KSR2: variants seen among roughly 807,000 people sequenced by gnomAD.
KSR2 encodes kinase suppressor of ras 2.
KSR2 carries 25 observed loss-of-function variants against 107.8 expected under a neutral mutation model. The observed-to-expected ratio is 0.23, with a 90% CI of 0.17 to 0.32. KSR2 has a LOEUF of 0.32. KSR2 is among the 10% of genes least tolerant of loss of function. The pLI, the probability that KSR2 is intolerant of heterozygous loss-of-function variation, is 1.00. For missense variants in KSR2, 887 were observed against 1,268.9 expected (o/e 0.70, Z 4.57); for synonymous variants, 480 against 507.0 (o/e 0.95, Z 0.71).
intron 4 of KSR2, among the ~76,000 whole-genome samples, chr12:117,745,335 G>C (rs930128577): frequency 1.3e-5 from 2 of 152,112 alleles, no homozygotes; most frequent in African/African-American, 4.8e-5. Context: ...AGCAAAAATA[G>C]ACAAATGGGA....
chr12:117,737,081 T>C (rs561217141), intron 4 of KSR2, among the ~76,000 whole-genome samples: 1 of 152,310 alleles, frequency 6.6e-6, no homozygotes, highest in African/African-American at 2.4e-5. Flanking sequence ...CTGTGTGGCC[T>C]CATGAGTGTT....
intron 3 of KSR2, among the ~76,000 whole-genome samples, chr12:117,804,204 C>T (rs111462621): frequency 0.084 from 12,846 of 152,116 alleles, 1,779 homozygotes; most frequent in African/African-American, 0.29. Flanking sequence ...CCACCACGCC[C>T]GGCTAATTTT....
At chr12:117,698,621 C>T (rs757105352) in intron 4 of KSR2, among the ~76,000 whole-genome samples, 5 of 152,122 alleles carry the variant, frequency 3.3e-5, no homozygotes, top group Non-Finnish European at 5.9e-5. Flanking sequence ...CCACTGTACC[C>T]GGCCAGACTT....
intron 1 of KSR2, among the ~76,000 whole-genome samples, chr12:117,964,049 G>A (rs546453405): frequency 7.2e-5 from 11 of 152,292 alleles, no homozygotes; most frequent in South Asian, 2.1e-4. Context: ...AGGCCGAGGC[G>A]GGCAGATCAT....
At chr12:117,478,810 C>A (rs141790271) in intron 16 of KSR2, among the ~76,000 whole-genome samples, 17 of 152,222 alleles carry the variant, frequency 1.1e-4, no homozygotes, top group African/African-American at 3.1e-4. Flanking sequence ...TGGCTAGTGG[C>A]CACCAAATTG....
At chr12:117,647,033 G>A (rs561335867) in intron 5 of KSR2, among the ~76,000 whole-genome samples, 12 of 152,254 alleles carry the variant, frequency 7.9e-5, no homozygotes, top group African/African-American at 2.2e-4. Flanking sequence ...AAAGAAAGAC[G>A]GAGAGGGTGA....
At chr12:117,953,489 T>A (rs757889909) in intron 1 of KSR2, among the ~76,000 whole-genome samples, 1 of 152,220 alleles carries the variant, frequency 6.6e-6, no homozygotes, top group Non-Finnish European at 1.5e-5. Flanking sequence ...GGACTATTAT[T>A]TAGCCATAAA....
intron 10 of KSR2, 187 bp downstream of exon 10, chr12:117,539,532 T>TA: frequency 1.9e-6 from 1 of 533,084 alleles, no homozygotes; most frequent in Non-Finnish European, 3.2e-6. Flanking sequence ...AAATAAGTGA[T>TA]ATAAGGGTAA....
At chr12:117,878,653 C>T (rs889192359) in intron 1 of KSR2, among the ~76,000 whole-genome samples, 6 of 152,076 alleles carry the variant, frequency 3.9e-5, no homozygotes, top group Non-Finnish European at 7.3e-5. Flanking sequence ...GTAAGCAATG[C>T]GTTGCCTTAT....
intron 5 of KSR2, among the ~76,000 whole-genome samples, chr12:117,657,030 C>A (rs912142858): frequency 4.5e-4 from 58 of 128,284 alleles, no homozygotes; most frequent in African/African-American, 1.7e-3. Context: ...TTAGTTCTAT[C>A]CCTCTAAGAG....
chr12:117,781,999 C>T (rs1593230523), intron 3 of KSR2, among the ~76,000 whole-genome samples: 1 of 152,346 alleles, frequency 6.6e-6, no homozygotes, highest in East Asian at 1.9e-4. Flanking sequence ...GATGTTCATG[C>T]TTAACATCGT....
chr12:117,594,778 T>C (rs1460417540), intron 5 of KSR2, among the ~76,000 whole-genome samples: 1 of 152,178 alleles, frequency 6.6e-6, no homozygotes, highest in Non-Finnish European at 1.5e-5. Context: ...CAGTTCTCAA[T>C]CGTGAGCCCT....
In KSR2 at chr12:117,752,749, C is replaced by A. The variant is rs559444390; in HGVS notation, c.986+8262G>T. Among the ~76,000 whole-genome samples, 15 of 152,302 alleles carry A rather than the reference C, an allele frequency of 9.8e-5. No homozygotes were observed. In the East Asian group the frequency reaches 2.9e-3, roughly 29 times the overall value. On this transcript the variant is annotated intron_variant, in intron 4 of 19. Transcript: ENST00000339824. ...TATGTGATAGGATTCCTTTTTAATA[C>A]TGAGCTTCTCCTGCACATTTAAAAT...
rs548902663 is a variant in KSR2, at chr12:117,858,500, C to T, written c.321+1791G>A. 7.2e-5 allele frequency among the ~76,000 whole-genome samples: 11 copies of T among 152,212 alleles called. No homozygotes were observed. In the East Asian group the frequency reaches 2.1e-3, roughly 29 times the overall value. On this transcript the variant is annotated intron_variant, in intron 2 of 19. Transcript: ENST00000339824. Reference sequence around the variant, plus strand: ...TGGAGCGGGGTGATGCTGCCTCTAACTTGGGATTCTTAGATCTGGTGGGGC... The same window carrying T: ...TGGAGCGGGGTGATGCTGCCTCTAATTTGGGATTCTTAGATCTGGTGGGGC...
intron 3 of KSR2, among the ~76,000 whole-genome samples, chr12:117,825,135 T>C (rs1034277815): frequency 1.3e-5 from 2 of 152,098 alleles, no homozygotes; most frequent in African/African-American, 2.4e-5. Flanking sequence ...TGAGCCAACA[T>C]TGCGCCACTG....
chr12:117,730,959 C>G (rs1255433563), intron 4 of KSR2, among the ~76,000 whole-genome samples: 5 of 151,954 alleles, frequency 3.3e-5, no homozygotes, highest in African/African-American at 1.2e-4. Context: ...GCGTCTCTGC[C>G]TGGACGTCCA....
intron 14 of KSR2, among the ~76,000 whole-genome samples, chr12:117,491,343 C>T (rs1872733114): frequency 6.6e-6 from 1 of 152,090 alleles, no homozygotes; most frequent in Non-Finnish European, 1.5e-5. Flanking sequence ...CCACGCCTGG[C>T]TAATTTTTAT....
At chr12:117,919,053 G>A (rs1044934259) in intron 1 of KSR2, among the ~76,000 whole-genome samples, 2 of 152,148 alleles carry the variant, frequency 1.3e-5, no homozygotes, top group Non-Finnish European at 2.9e-5. Flanking sequence ...CAAGAGGATC[G>A]CTTGAACCCA....
In KSR2 at chr12:117,458,249, C is replaced by A. The variant is rs985267426; in HGVS notation, c.*8950G>T. On this transcript the variant is annotated 3_prime_UTR_variant, in exon 20 of 20. Transcript: ENST00000339824. ...GAGGACACAAAGACCTCTCTTCTAC[C>A]TTGTTCATCCTGTCGCCCACCACTC... The A allele has an allele frequency of 1.1e-4, 17 of 152,204 alleles. No individual in the cohort carries two copies. Among genetic ancestry groups the A allele is most frequent in the African/African-American group, 4.1e-4 (17 of 41,432 alleles). 9.4% of individuals were successfully genotyped at this position (152,204 alleles called of 1,614,324 possible).
Sources: allele counts gnomAD v4.1 joint callset (sites outside exome capture counted in the v4.1 genomes callset), GRCh38; gene constraint gnomAD v4.1.1; transcripts MANE v1.5; gene names NCBI Gene and HGNC (gene_info 2026-07-23, HGNC 2026-07-21).